Variants in SPAG16 observed in about 807,000 individuals in gnomAD.
SPAG16 encodes the protein sperm-associated antigen 16 protein.
A neutral mutation model predicts 80.4 loss-of-function variants in SPAG16; 86 were observed. The ratio of observed to expected loss-of-function variants is 1.07; its 90% CI spans 0.90 to 1.28. SPAG16 has a LOEUF of 1.28. SPAG16 is among the 50% of genes most tolerant of loss of function. The pLI, the probability that SPAG16 is intolerant of heterozygous loss-of-function variation, is 0.00. For synonymous variants in SPAG16, 294 were observed against 265.9 expected (o/e 1.11, Z -1.03); for missense variants, 870 against 765.3 (o/e 1.14, Z -1.61).
intron 15 of SPAG16, among the ~76,000 whole-genome samples, chr2:214,196,136 C>A (rs1411340778): frequency 2.6e-5 from 4 of 151,940 alleles, no homozygotes; most frequent in Non-Finnish European, 5.9e-5. Context: ...AATGTCATAA[C>A]CATCAGTATT....
chr2:214,060,780 C>T (rs966324351), intron 13 of SPAG16, among the ~76,000 whole-genome samples: 4 of 151,950 alleles, frequency 2.6e-5, no homozygotes, highest in East Asian at 1.9e-4. Flanking sequence ...AATGCTACAA[C>T]ACAAATAAAT....
At chr2:213,962,677 G>A (rs1407810376) in intron 12 of SPAG16, among the ~76,000 whole-genome samples, 2 of 152,204 alleles carry the variant, frequency 1.3e-5, no homozygotes, top group African/African-American at 2.4e-5. Context: ...TGTTGTTTAA[G>A]CCACCCAGTC....
chr2:214,038,942 T>C (rs1190584224), intron 13 of SPAG16, among the ~76,000 whole-genome samples: 2 of 152,224 alleles, frequency 1.3e-5, no homozygotes, highest in Non-Finnish European at 2.9e-5. Flanking sequence ...CAGTCTATCA[T>C]TGACGGACAT....
At chr2:213,796,546 G>T (rs2071042344) in intron 10 of SPAG16, among the ~76,000 whole-genome samples, 1 of 152,046 alleles carries the variant, frequency 6.6e-6, no homozygotes, top group Non-Finnish European at 1.5e-5. Flanking sequence ...TTTGGTAAAG[G>T]ACAGACTGTA....
chr2:213,315,012 A>G lies in SPAG16; in HGVS notation c.399-2207A>G, dbSNP rs1041610113. 3.9e-5 allele frequency among the ~76,000 whole-genome samples: 6 copies of G among 151,900 alleles called. No homozygotes were observed. The East Asian group carries it at 1.2e-3, about 29-fold the overall frequency. ...TCAGATAAAGTATATAACACAAAATATGTGACTTTATAAATATGTAACATT... is the reference window on the plus strand; with the variant it reads ...TCAGATAAAGTATATAACACAAAATGTGTGACTTTATAAATATGTAACATT... On this transcript the variant is annotated intron_variant, in intron 4 of 15. Transcript: ENST00000331683.
chr2:214,364,890 C>G (rs1699384098), intron 15 of SPAG16, among the ~76,000 whole-genome samples: 2 of 151,996 alleles, frequency 1.3e-5, no homozygotes, highest in African/African-American at 4.8e-5. Context: ...GTGTACCTTT[C>G]TCAAATTTAT....
At chr2:214,281,863 G>A (rs1174042966) in intron 15 of SPAG16, among the ~76,000 whole-genome samples, 1 of 152,130 alleles carries the variant, frequency 6.6e-6, no homozygotes, top group Non-Finnish European at 1.5e-5. Flanking sequence ...CAGTGTGGAT[G>A]AATCTAGAAA....
At chr2:213,375,934 A>G (rs1332174982) in intron 9 of SPAG16, among the ~76,000 whole-genome samples, 2 of 150,776 alleles carry the variant, frequency 1.3e-5, no homozygotes, top group East Asian at 1.9e-4. Context: ...AAATATTTAT[A>G]CAATGAATTT....
chr2:214,379,593 C>T (rs901571363), intron 15 of SPAG16, among the ~76,000 whole-genome samples: 2 of 152,180 alleles, frequency 1.3e-5, no homozygotes, highest in Non-Finnish European at 2.9e-5. Flanking sequence ...CTGAAGACAT[C>T]GGACATTCTC....
intron 13 of SPAG16, among the ~76,000 whole-genome samples, chr2:214,064,712 G>A (rs1430210762): frequency 6.6e-6 from 1 of 151,948 alleles, no homozygotes; most frequent in Non-Finnish European, 1.5e-5. Flanking sequence ...TAGTTTTAAT[G>A]GGCCACATGG....
intron 5 of SPAG16, among the ~76,000 whole-genome samples, chr2:213,325,241 T>A (rs2063792273): frequency 1.3e-5 from 2 of 151,678 alleles, no homozygotes; most frequent in Admixed American, 6.6e-5. Context: ...ATGAAGCATA[T>A]CTTATCTTTT....
intron 10 of SPAG16, among the ~76,000 whole-genome samples, chr2:213,752,963 A>G (rs1382044345): frequency 6.6e-6 from 1 of 152,218 alleles, no homozygotes; most frequent in Non-Finnish European, 1.5e-5. Flanking sequence ...ATTTATATAT[A>G]CTGAAGTTCA....
At chr2:214,386,294 G>A (rs547259657) in intron 15 of SPAG16, among the ~76,000 whole-genome samples, 1 of 152,254 alleles carries the variant, frequency 6.6e-6, no homozygotes, top group Admixed American at 6.5e-5. Context: ...GAGGTGGTGG[G>A]ATGGCTTTAG....
rs574746690 is a variant in SPAG16 at position 213,626,671 on chromosome 2, A to G, written c.1070+136581A>G. 8.3e-5 allele frequency among the ~76,000 whole-genome samples: 9 copies of G among 108,936 alleles called. No homozygotes were observed. The East Asian group carries it at 2.6e-3, about 31-fold the overall frequency. 71.5% of individuals were successfully genotyped at this position (108,936 alleles called of 152,430 possible). ...TTTTTTTTTTTTTTTTTTTTTGAAGATGGAGTCTCTTTGTTGCCCAGGCTG... is the reference window on the plus strand; with the variant it reads ...TTTTTTTTTTTTTTTTTTTTTGAAGGTGGAGTCTCTTTGTTGCCCAGGCTG... On this transcript the variant is annotated intron_variant, in intron 10 of 15. Coordinates refer to ENST00000331683, the MANE Select transcript of SPAG16 (RefSeq NM_024532.5).
rs539577578 is a variant in SPAG16 at position 213,842,969 on chromosome 2, T to C, written c.1071-19516T>C. Among the ~76,000 whole-genome samples the C allele has an allele frequency of 3.1e-4, 47 of 152,230 alleles. 2 individuals are homozygous for C. The highest frequency in any genetic ancestry group is 1.0e-3 in the African/African-American group (43 of 41,540). The stretch of plus-strand genomic sequence containing the variant: ...TTGTTTTGTAGAAGCAAGGTCTCAG[T>C]ATGTTGCCCAGGCTGGTTTTGAACA... On this transcript the variant is annotated intron_variant, in intron 10 of 15. Coordinates refer to ENST00000331683, the MANE Select transcript of SPAG16 (RefSeq NM_024532.5).
At position 213,343,878 on chromosome 2, in the gene SPAG16, T is replaced by C. The variant is rs371439778; in HGVS notation, c.644+3608T>C. ...AACATAAATAGAACCTCTGGAGCAATATTAAATAGTCCATCATAGGTGTGT... is the reference window on the plus strand; with the variant it reads ...AACATAAATAGAACCTCTGGAGCAACATTAAATAGTCCATCATAGGTGTGT... On this transcript the variant is annotated intron_variant, in intron 6 of 15. Transcript: ENST00000331683. Among the ~76,000 whole-genome samples, 3 of 152,112 alleles carry C rather than the reference T, an allele frequency of 2.0e-5. No homozygotes were observed. The East Asian group carries it at 5.8e-4, about 29-fold the overall frequency.
In SPAG16 at chr2:214,410,051, A is replaced by C. The variant is rs951892915; in HGVS notation, c.1721-89A>C. The stretch of plus-strand genomic sequence containing the variant: ...CCTAACACAGAATGATAATTGAAAA[A>C]AATAGAATGCTTCATTGCTTATAAA... On this transcript the variant is annotated intron_variant, in intron 15 of 15. Coordinates refer to ENST00000331683, the MANE Select transcript of SPAG16 (RefSeq NM_024532.5). 3.9e-5 allele frequency: 57 copies of C among 1,453,248 alleles called. 3 individuals are homozygous for C. The South Asian group carries it at 6.7e-4, about 17-fold the overall frequency. The allele number at this position is 1,453,248 out of a possible 1,614,324, so 90.0% of individuals were successfully genotyped here. A position where few individuals can be genotyped will look rare whatever the true frequency, so the allele number is the denominator to read the frequency against.
chr2:214,384,451 T>C (rs1182966764), intron 15 of SPAG16, among the ~76,000 whole-genome samples: 1 of 152,184 alleles, frequency 6.6e-6, no homozygotes, highest in Non-Finnish European at 1.5e-5. Flanking sequence ...CAGTGTGACA[T>C]TTTACTCAGG....
chr2:214,041,293 T>A (rs956864660), intron 13 of SPAG16, among the ~76,000 whole-genome samples: 3 of 152,048 alleles, frequency 2.0e-5, no homozygotes, highest in Non-Finnish European at 2.9e-5. Context: ...AAAGTTTTCT[T>A]CTTTTTCACT....
Sources: allele counts gnomAD v4.1 joint callset (sites outside exome capture counted in the v4.1 genomes callset), GRCh38; gene constraint gnomAD v4.1.1; transcripts MANE v1.5; gene names NCBI Gene and HGNC (gene_info 2026-07-23, HGNC 2026-07-21).